Variants in INPP5F observed in about 807,000 individuals in gnomAD.
INPP5F encodes inositol polyphosphate-5-phosphatase F, also known as phosphatidylinositide 4-phosphatase SAC2.
A neutral mutation model predicts 137.2 loss-of-function variants in INPP5F; 97 were observed. The observed-to-expected ratio is 0.71, with a 90% CI of 0.60 to 0.84. INPP5F has a LOEUF of 0.84. Among genes scored for constraint, INPP5F ranks in the 40% least tolerant of loss-of-function variants. The pLI is 0.00. For synonymous variants in INPP5F, 504 were observed against 476.9 expected, an observed-to-expected ratio of 1.06 and a Z score of -0.74; for missense variants, 1,271 against 1,371.9, an observed-to-expected ratio of 0.93 and a Z score of 1.16.
chr10:119,806,137 A>C (rs1383811344), intron 11 of INPP5F, among the ~76,000 whole-genome samples: 3 of 149,276 alleles, frequency 2.0e-5, no homozygotes, highest in African/African-American at 4.9e-5. Context: ...TCTGCACCCC[A>C]GTTTTTTTTT....
chr10:119,728,523 T>C (rs1202688123), intron 1 of INPP5F, among the ~76,000 whole-genome samples: 5 of 152,236 alleles, frequency 3.3e-5, no homozygotes, highest in African/African-American at 1.2e-4. Context: ...TTTCATTGTT[T>C]CCTACTGGTT....
chr10:119,726,216 C>T lies in INPP5F; in HGVS notation c.-47C>T, dbSNP rs1847878315. 4 of 1,295,902 alleles carry T rather than the reference C, an allele frequency of 3.1e-6. No homozygotes were observed. The highest frequency in any genetic ancestry group is 4.1e-6 in the Non-Finnish European group (4 of 984,046). The allele number at this position is 1,295,902 out of a possible 1,614,324, so 80.3% of individuals were successfully genotyped here. The stretch of plus-strand genomic sequence containing the variant: ...GCGGCCTCGACCGACTAGGACGCCC[C>T]GTGCGCCGCCCGCGGGCCGCCGCCT... On this transcript the variant is annotated 5_prime_UTR_variant, in exon 1 of 20. Coordinates refer to ENST00000650623, the MANE Select transcript of INPP5F (RefSeq NM_014937.4).
intron 16 of INPP5F, 57 bp from the exon 17 acceptor site, chr10:119,822,373 AC>A: frequency 2.1e-6 from 2 of 931,970 alleles, no homozygotes; most frequent in Admixed American, 2.5e-5. Context: ...GCCTTCCCTG[AC>A]AAGCCAAATA....
rs1448510817 is a variant in INPP5F at position 119,791,512 on chromosome 10, T to C, written c.316-5T>C. On this transcript the variant is annotated splice_polypyrimidine_tract_variant and splice_region_variant and intron_variant, in intron 3 of 19. Coordinates refer to ENST00000650623, the MANE Select transcript of INPP5F (RefSeq NM_014937.4). ...ATAACAAATCATCTTTCTCTTCCTA[T>C]TTAGCTCTGTAAGAAGCATCATTTT... 1 of 1,591,666 alleles carries C rather than the reference T, an allele frequency of 6.3e-7. No homozygotes were observed. The highest frequency in any genetic ancestry group is 1.3e-5 in the African/African-American group (1 of 74,380).
intron 2 of INPP5F, among the ~76,000 whole-genome samples, chr10:119,753,522 G>A (rs1206196457): frequency 3.3e-5 from 5 of 152,146 alleles, no homozygotes; most frequent in African/African-American, 9.7e-5. Context: ...GTTTGCCTGG[G>A]TGGTCTTAGT....
intron 18 of INPP5F, among the ~76,000 whole-genome samples, 196 bp from the exon 19 acceptor site, chr10:119,823,619 C>T (rs544472039): frequency 6.6e-6 from 1 of 152,272 alleles, no homozygotes; most frequent in African/African-American, 2.4e-5. Flanking sequence ...TGCTTTTGTT[C>T]TTTTAAAATG....
intron 11 of INPP5F, 31 bp downstream of exon 11, chr10:119,805,492 G>C: frequency 7.1e-7 from 1 of 1,416,160 alleles, no homozygotes; most frequent in South Asian, 1.2e-5. Context: ...CCTTTTTACA[G>C]ACTCTGGGAT....
chr10:119,740,875 T>G (rs1170229317), intron 1 of INPP5F, among the ~76,000 whole-genome samples: 1 of 152,184 alleles, frequency 6.6e-6, no homozygotes, highest in East Asian at 1.9e-4. Flanking sequence ...ATGAAGACCC[T>G]TAAATTATGG....
At chr10:119,745,765 C>T (rs143826375) in intron 1 of INPP5F, among the ~76,000 whole-genome samples, 3,131 of 130,108 alleles carry the variant, frequency 0.024, 44 homozygotes, top group Non-Finnish European at 0.036. Context: ...AGTGCAGTGT[C>T]GTGATCTCGG....
At chr10:119,824,993 C>CT (rs1851704913) in intron 19 of INPP5F, among the ~76,000 whole-genome samples, 2 of 152,218 alleles carry the variant, frequency 1.3e-5, no homozygotes, top group Non-Finnish European at 2.9e-5. Flanking sequence ...AACATGGACT[C>CT]TGAGACTCCT....
chr10:119,734,334 A>G (rs1848164790), intron 1 of INPP5F, among the ~76,000 whole-genome samples: 1 of 152,228 alleles, frequency 6.6e-6, no homozygotes, highest in African/African-American at 2.4e-5. Flanking sequence ...GTATATCCCA[A>G]CACATTGCCA....
chr10:119,806,299 G>C, intron 11 of INPP5F, 61 bp from the exon 12 acceptor site: 1 of 1,216,144 alleles, frequency 8.2e-7, no homozygotes, highest in Non-Finnish European at 1.1e-6. Context: ...TTAAAGAATT[G>C]TGTCTTTTGA....
chr10:119,812,034 C>T, intron 15 of INPP5F, 79 bp downstream of exon 15: 1 of 1,159,046 alleles, frequency 8.6e-7, no homozygotes. Context: ...TGGCAGTTGT[C>T]CCTAAAGCTG....
rs1564837965 is a variant in INPP5F at position 119,797,549 on chromosome 10, T to A, written c.957T>A (p.His319Gln). The change falls in exon 8 of 20, where the codon CAT becomes CAA. Residue 319 changes from histidine (H) to glutamine (Q), a missense_variant. Physicochemically the swap from His to Gln is conservative, Grantham distance 24. Transcript: ENST00000650623. ...ETEQLIHVHNHTLSFVQTRGS... is the reference protein window; with the variant it reads ...ETEQLIHVHNQTLSFVQTRGS... Reference sequence around the variant, plus strand: ...AGCAGTTGATTCATGTTCATAATCATACCCTGTCATTTGTTCAAACACGAG... The same window carrying A: ...AGCAGTTGATTCATGTTCATAATCAAACCCTGTCATTTGTTCAAACACGAG... 1 of 1,612,976 alleles carries A rather than the reference T, an allele frequency of 6.2e-7. No homozygotes were observed. The highest frequency in any genetic ancestry group is 8.5e-7 in the Non-Finnish European group (1 of 1,179,340).
chr10:119,778,914 C>T (rs1184920786), intron 2 of INPP5F, among the ~76,000 whole-genome samples: 1 of 152,022 alleles, frequency 6.6e-6, no homozygotes, highest in East Asian at 1.9e-4. Flanking sequence ...GAAACATTAC[C>T]GTTGTTCTAA....
intron 15 of INPP5F, among the ~76,000 whole-genome samples, chr10:119,813,237 A>G (rs1321673771): frequency 6.6e-6 from 1 of 152,230 alleles, no homozygotes; most frequent in Admixed American, 6.5e-5. Context: ...TGTAAAGTGT[A>G]TATAGCTTTG....
At position 119,823,212 on chromosome 10, in the gene INPP5F, A is replaced by G; in HGVS notation, c.2161+13A>G. The G allele has an allele frequency of 6.2e-7, 1 of 1,609,504 alleles. No individual in the cohort carries two copies. The highest frequency in any genetic ancestry group is 8.5e-7 in the Non-Finnish European group (1 of 1,178,332). On this transcript the variant is annotated intron_variant, in intron 18 of 19. Coordinates refer to ENST00000650623, the MANE Select transcript of INPP5F (RefSeq NM_014937.4). ...GAGGATGGAAAAGGTAAAAAGAGGA[A>G]GAGATGAAAGTATTCAGTGAAAACT... is the stretch of plus-strand genomic sequence containing the variant.
At chr10:119,817,459 T>C (rs1326930743) in intron 15 of INPP5F, among the ~76,000 whole-genome samples, 1 of 152,262 alleles carries the variant, frequency 6.6e-6, no homozygotes, top group African/African-American at 2.4e-5. Context: ...TTTCAGTACA[T>C]TCCAGTTTGG....
At chr10:119,726,449 C>T (rs1227968355) in intron 1 of INPP5F, 90 bp downstream of exon 1, 1 of 688,914 alleles carries the variant, frequency 1.5e-6, no homozygotes, top group Non-Finnish European at 2.0e-6. Flanking sequence ...GCGGGAGGAG[C>T]CGCCTGCGGG....
Sources: allele counts gnomAD v4.1 joint callset (sites outside exome capture counted in the v4.1 genomes callset), GRCh38; gene constraint gnomAD v4.1.1; transcripts MANE v1.5; gene names NCBI Gene and HGNC (gene_info 2026-07-23, HGNC 2026-07-21).